PALM2AKAP2: variants seen among roughly 807,000 people sequenced by gnomAD.
PALM2AKAP2 encodes PALM2 and AKAP2 fusion, also known as PALM2-AKAP2 fusion protein.
In PALM2AKAP2, 37 loss-of-function variants were observed where a neutral mutation model predicts 71.5. The observed-to-expected ratio is 0.52, with a 90% CI of 0.40 to 0.68. The LOEUF (loss-of-function observed/expected upper bound fraction) is 0.68. PALM2AKAP2 is among the 30% of genes least tolerant of loss of function. PALM2AKAP2 has a pLI of 0.00. For missense variants in PALM2AKAP2, 1,224 were observed against 1,191.8 expected (o/e 1.03, Z -0.40); for synonymous variants, 468 against 478.8 (o/e 0.98, Z 0.29).
At chr9:110,094,552 AG>A (rs1290179950) in intron 1 of PALM2AKAP2, among the ~76,000 whole-genome samples, 1 of 151,644 alleles carries the variant, frequency 6.6e-6, no homozygotes, top group Non-Finnish European at 1.5e-5. Context: ...TGGAAGGCAA[AG>A]GGGGAGTGAG....
chr9:109,641,365 A>G (rs542812501), intron 1 of PALM2AKAP2, among the ~76,000 whole-genome samples: 1 of 152,390 alleles, frequency 6.6e-6, no homozygotes, highest in South Asian at 2.1e-4. Context: ...CCTGGCTACT[A>G]GAAACCATCA....
intron 1 of PALM2AKAP2, among the ~76,000 whole-genome samples, chr9:109,788,953 A>G (rs753236241): frequency 1.3e-5 from 2 of 152,220 alleles, no homozygotes; most frequent in Non-Finnish European, 2.9e-5. Flanking sequence ...TCCTTCTCAC[A>G]TTACACTGGC....
At chr9:109,871,154 T>G (rs965658205) in intron 2 of PALM2AKAP2, among the ~76,000 whole-genome samples, 7 of 152,230 alleles carry the variant, frequency 4.6e-5, no homozygotes, top group African/African-American at 1.7e-4. Flanking sequence ...ATAGTAGTTT[T>G]GGCATTCATA....
Position 110,135,163 on chromosome 9 carries a change from AAATATATAAAT to A in PALM2AKAP2, c.157-962_157-952del, listed in dbSNP as rs1158328635. ...GAACTCTGTCTCTACAAAAAAAAAAAAATATATAAATATATATATATATATAAATCAGCCAG... is the reference window on the plus strand; with the variant it reads ...GAACTCTGTCTCTACAAAAAAAAAAAATATATATATATATAAATCAGCCAG... On this transcript the variant is annotated intron_variant, in intron 1 of 3. Coordinates refer to ENST00000374525, the Ensembl canonical transcript of PALM2AKAP2. Among the ~76,000 whole-genome samples, 10 of 73,968 alleles carry A rather than the reference AAATATATAAAT, an allele frequency of 1.4e-4. 1 individual carries two copies. The highest frequency in any genetic ancestry group is 4.5e-4 in the African/African-American group (9 of 19,948). 48.5% of individuals were successfully genotyped at this position (73,968 alleles called of 152,430 possible). A position where few individuals can be genotyped will look rare whatever the true frequency, so the allele number is the denominator to read the frequency against.
chr9:109,954,658 T>TA (rs56743395), intron 6 of PALM2AKAP2, among the ~76,000 whole-genome samples: 4,323 of 106,072 alleles, frequency 0.041, 35 homozygotes, highest in Middle Eastern at 0.064. Flanking sequence ...TAAAGTATAA[T>TA]AAAAAAAAAA....
chr9:109,831,971 G>A (rs146612206), intron 1 of PALM2AKAP2, among the ~76,000 whole-genome samples: 1 of 152,294 alleles, frequency 6.6e-6, no homozygotes, highest in African/African-American at 2.4e-5. Flanking sequence ...CACACTGGAA[G>A]CCAAACTATC....
At chr9:110,080,821 G>A (rs1267788710) in intron 1 of PALM2AKAP2, among the ~76,000 whole-genome samples, 1 of 152,108 alleles carries the variant, frequency 6.6e-6, no homozygotes, top group African/African-American at 2.4e-5. Context: ...TGGGATTACA[G>A]GCACCCGCCA....
intron 1 of PALM2AKAP2, among the ~76,000 whole-genome samples, chr9:109,821,454 T>A (rs777590427): frequency 6.6e-6 from 1 of 152,202 alleles, no homozygotes; most frequent in Non-Finnish European, 1.5e-5. Flanking sequence ...CCTTTGTAAC[T>A]GAGCTACTGG....
chr9:109,740,801 G>A (rs1450401690), intron 1 of PALM2AKAP2, among the ~76,000 whole-genome samples: 2 of 152,044 alleles, frequency 1.3e-5, no homozygotes, highest in Non-Finnish European at 2.9e-5. Flanking sequence ...CTACAGGCGT[G>A]TGCCACCACA....
At chr9:109,992,128 G>A (rs1282423914) in intron 6 of PALM2AKAP2, among the ~76,000 whole-genome samples, 3 of 152,086 alleles carry the variant, frequency 2.0e-5, no homozygotes, top group Non-Finnish European at 4.4e-5. Context: ...GTGTTGGTAG[G>A]GCTATACTCT....
At chr9:110,076,916 G>T (rs761174374) in intron 1 of PALM2AKAP2, among the ~76,000 whole-genome samples, 1 of 152,080 alleles carries the variant, frequency 6.6e-6, no homozygotes, top group Non-Finnish European at 1.5e-5. Context: ...TGTTTATTTC[G>T]TGGGCAATTC....
chr9:109,697,135 CT>C (rs1827983696), intron 1 of PALM2AKAP2, among the ~76,000 whole-genome samples: 1 of 151,984 alleles, frequency 6.6e-6, no homozygotes, highest in Admixed American at 6.6e-5. Flanking sequence ...CAACAGGGTA[CT>C]GGTTAAATAA....
At chr9:109,809,336 C>G (rs1190011830) in intron 1 of PALM2AKAP2, among the ~76,000 whole-genome samples, 2 of 152,198 alleles carry the variant, frequency 1.3e-5, no homozygotes, top group African/African-American at 2.4e-5. Flanking sequence ...CCACCTCTTG[C>G]ATCAGCGTGA....
At position 110,049,244 on chromosome 9, in the gene PALM2AKAP2, C is replaced by T. The variant is rs138550157; in HGVS notation, c.156+389C>T. 4.9e-3 allele frequency among the ~76,000 whole-genome samples: 739 copies of T among 152,312 alleles called. 5 individuals carry two copies. Among genetic ancestry groups the T allele is most frequent in the African/African-American group, 0.017 (688 of 41,580 alleles). ...ATGTGGTCGTGGCCGCATCTCCTGC[C>T]CCGGGAGCACCGGGAGGTGCAGCCG... On this transcript the variant is annotated intron_variant, in intron 1 of 3. Coordinates refer to ENST00000374525, the Ensembl canonical transcript of PALM2AKAP2.
chr9:109,888,442 C>T (rs1830014044), intron 3 of PALM2AKAP2, among the ~76,000 whole-genome samples: 1 of 152,116 alleles, frequency 6.6e-6, no homozygotes, highest in Non-Finnish European at 1.5e-5. Flanking sequence ...GGCACTGTGG[C>T]TCATGCCTGT....
chr9:110,107,740 T>A (rs1209625538), intron 1 of PALM2AKAP2, among the ~76,000 whole-genome samples: 1 of 152,152 alleles, frequency 6.6e-6, no homozygotes, highest in Non-Finnish European at 1.5e-5. Flanking sequence ...CTAATTTTTG[T>A]ATTTTTAGTA....
intron 1 of PALM2AKAP2, among the ~76,000 whole-genome samples, chr9:109,770,072 C>T (rs1829234266): frequency 1.3e-5 from 2 of 152,112 alleles, no homozygotes; most frequent in South Asian, 2.1e-4. Flanking sequence ...GTGAAAAGAA[C>T]TAGAGAAGGG....
At chr9:109,669,810 T>C (rs969371282) in intron 1 of PALM2AKAP2, among the ~76,000 whole-genome samples, 1 of 152,056 alleles carries the variant, frequency 6.6e-6, no homozygotes, top group African/African-American at 2.4e-5. Context: ...ATTCCTGATA[T>C]TTGTTTTGTT....
chr9:109,979,954 C>G (rs1832239706), intron 6 of PALM2AKAP2, among the ~76,000 whole-genome samples: 1 of 152,176 alleles, frequency 6.6e-6, no homozygotes, highest in Non-Finnish European at 1.5e-5. Flanking sequence ...ATGACACCGG[C>G]ATCCTCTGGG....
Sources: gnomAD v4.1 joint callset for allele counts (sites outside exome capture counted in the v4.1 genomes callset) on GRCh38, gnomAD v4.1.1 for gene constraint, MANE v1.5 for transcripts, NCBI Gene and HGNC (gene_info 2026-07-23, HGNC 2026-07-21) for gene names.